SMARCA2: variants seen among roughly 807,000 people sequenced by gnomAD.
SMARCA2 encodes the protein SWI/SNF related BAF chromatin remodeling complex subunit ATPase 2.
SMARCA2 carries 61 observed loss-of-function variants against 199.8 expected under a neutral mutation model. That is an observed-to-expected ratio of 0.31 (90% CI 0.25 to 0.38). The LOEUF is 0.38. Ranked by LOEUF, SMARCA2 falls within the 10% of genes least tolerant of loss-of-function variation. The pLI is 1.00. For missense variants in SMARCA2, 1,344 were observed against 2,012.2 expected, an observed-to-expected ratio of 0.67 and a Z score of 6.35; for synonymous variants, 935 against 732.0, an observed-to-expected ratio of 1.28 and a Z score of -4.48.
At chr9:2,085,754 G>A (rs761029061) in intron 17 of SMARCA2, 14 of 152,100 alleles carry the variant, frequency 9.2e-5, no homozygotes, top group Non-Finnish European at 1.6e-4. Context: ...GGCAAGGACT[G>A]TATAGAATAC....
chr9:2,061,027 G>T (rs1217486436), intron 9 of SMARCA2, 41 bp downstream of exon 9: 63 of 1,589,574 alleles, frequency 4.0e-5, no homozygotes, highest in Non-Finnish European at 5.1e-5. Flanking sequence ...AGGGTGTATG[G>T]GCAGGGATAA....
intron 19 of SMARCA2, among the ~76,000 whole-genome samples, chr9:2,094,781 A>C (rs1390352193): frequency 6.6e-6 from 1 of 152,216 alleles, no homozygotes; most frequent in Non-Finnish European, 1.5e-5. Context: ...AAGGCTCAGA[A>C]AGCACTTTGC....
rs546952457 is a variant in SMARCA2, at chr9:2,096,923, C to T, written c.2991+159C>T. 3.3e-5 allele frequency among the ~76,000 whole-genome samples: 5 copies of T among 152,314 alleles called. No homozygotes were observed. In the South Asian group the frequency reaches 8.3e-4, roughly 25 times the overall value. On this transcript the variant is annotated intron_variant, in intron 20 of 33. Coordinates refer to ENST00000349721, the MANE Select transcript of SMARCA2 (RefSeq NM_003070.5). ...TTATAGCTGCCAAAGATAATCTCTT[C>T]ACCTCTTAGCTGCATTGGGGCAGGA...
At chr9:2,191,168 T>C in intron 32 of SMARCA2, 98 bp from the exon 33 acceptor site, 1 of 1,148,916 alleles carries the variant, frequency 8.7e-7, no homozygotes, top group South Asian at 1.4e-5. Context: ...CACTCTGGGA[T>C]GTTTGTGTTG....
At chr9:2,077,870 G>A (rs764433028) in intron 14 of SMARCA2, 94 bp downstream of exon 14, 25 of 1,212,212 alleles carry the variant, frequency 2.1e-5, no homozygotes, top group Non-Finnish European at 2.6e-5. Flanking sequence ...AAGGGCTTTT[G>A]ATGATATTTT....
rs1353077859 is a variant in SMARCA2 at position 2,123,983 on chromosome 9, T to C, written c.3981+46T>C. 3 of 1,491,718 alleles carry C rather than the reference T, an allele frequency of 2.0e-6. No individual in the cohort carries two copies. Among genetic ancestry groups the C allele is most frequent in the Non-Finnish European group, 2.7e-6 (3 of 1,094,366 alleles). 92.4% of individuals were successfully genotyped at this position (1,491,718 alleles called of 1,614,324 possible). A position where few individuals can be genotyped will look rare whatever the true frequency, so the allele number is the denominator to read the frequency against. ...CCGCTCTCACTAGGTGGAGGGTTTT[T>C]GGTGGCTTGGAGAAACCAGGGGCCT... On this transcript the variant is annotated intron_variant, in intron 27 of 33. Transcript: ENST00000349721. This position sits in a 1 kb window ranked among gnomAD's most constrained non-coding sequence, Gnocchi z 4.1.
At chr9:2,187,214 T>C (rs1178545547) in intron 32 of SMARCA2, among the ~76,000 whole-genome samples, 2 of 140,758 alleles carry the variant, frequency 1.4e-5, no homozygotes, top group Non-Finnish European at 3.3e-5. Flanking sequence ...GGCATTAATT[T>C]GGGTTTTTAA....
chr9:2,143,876 A>AG (rs1304884567), intron 27 of SMARCA2, among the ~76,000 whole-genome samples: 1 of 152,212 alleles, frequency 6.6e-6, no homozygotes, highest in African/African-American at 2.4e-5. Flanking sequence ...TTGAGGTTGT[A>AG]GGGGCCAAGG....
chr9:2,084,692 C>A (rs1821723872), intron 17 of SMARCA2, among the ~76,000 whole-genome samples: 1 of 152,034 alleles, frequency 6.6e-6, no homozygotes, highest in Non-Finnish European at 1.5e-5. Flanking sequence ...TTGTGGTAGT[C>A]TTGTTTCAGG....
At chr9:2,121,776 A>G (rs1430108042) in intron 26 of SMARCA2, among the ~76,000 whole-genome samples, 2 of 152,238 alleles carry the variant, frequency 1.3e-5, no homozygotes, top group Admixed American at 1.3e-4. Context: ...CAGAAAAAGT[A>G]TCTTTTATAC....
chr9:2,153,554 C>CA (rs1825189670), intron 27 of SMARCA2, among the ~76,000 whole-genome samples: 1 of 152,004 alleles, frequency 6.6e-6, no homozygotes, highest in South Asian at 2.1e-4. Context: ...CAAAGCAAAG[C>CA]AAAATACTCT....
intron 25 of SMARCA2, among the ~76,000 whole-genome samples, chr9:2,118,806 TTTAAA>T (rs1234985606): frequency 6.6e-6 from 1 of 152,220 alleles, no homozygotes; most frequent in Non-Finnish European, 1.5e-5. Flanking sequence ...CTCTGCTTCA[TTTAAA>T]TTATTTTAAT....
rs777699541 is a variant in SMARCA2, at chr9:2,169,812, C to T, written c.4200-607C>T. Among the ~76,000 whole-genome samples the T allele has an allele frequency of 2.0e-5, 3 of 152,102 alleles. No individual in the cohort carries two copies. Among genetic ancestry groups the T allele is most frequent in the Non-Finnish European group, 2.9e-5 (2 of 68,018 alleles). ...GCTTTTCTAGAGGCTTGTAGAAGTG[C>T]CCAAGACGCCAGGTGGTGGTTTATT... On this transcript the variant is annotated intron_variant, in intron 28 of 33. Transcript: ENST00000349721. The surrounding 1 kb of genome is among the most constrained non-coding windows in gnomAD (Gnocchi z 6.5).
chr9:2,123,587 C>G lies in SMARCA2; in HGVS notation c.3763-132C>G, dbSNP rs1281270512. 2 of 778,560 alleles carry G rather than the reference C, an allele frequency of 2.6e-6. No homozygotes were observed. The highest frequency in any genetic ancestry group is 5.3e-5 in the East Asian group (2 of 37,594). The allele number at this position is 778,560 out of a possible 1,614,324, so 48.2% of individuals were successfully genotyped here. On this transcript the variant is annotated intron_variant, in intron 26 of 33. Transcript: ENST00000349721. This position sits in a 1 kb window ranked among gnomAD's most constrained non-coding sequence, Gnocchi z 4.1. ...ATATTTAGGGATGAGCTAGAACAAG[C>G]CAACCAGGATGAGAGAGGTTGAAAG...
At chr9:2,191,610 T>C (rs1827890954) in intron 33 of SMARCA2, 8 of 464,408 alleles carry the variant, frequency 1.7e-5, no homozygotes, top group East Asian at 1.1e-4. Flanking sequence ...TTATTGCCTT[T>C]TTAATAGTCT....
At position 2,047,308 on chromosome 9, in the gene SMARCA2, GC is replaced by G; in HGVS notation, c.876del (p.Ala293GlnfsTer62). 1 of 1,006,816 alleles carries G rather than the reference GC, an allele frequency of 9.9e-7. No homozygotes were observed. The highest frequency in any genetic ancestry group is 1.2e-6 in the Non-Finnish European group (1 of 841,334). The allele number at this position is 1,006,816 out of a possible 1,614,324, so 62.4% of individuals were successfully genotyped here. A position where few individuals can be genotyped will look rare whatever the true frequency, so the allele number is the denominator to read the frequency against. On this transcript the variant is annotated frameshift_variant, in exon 5 of 34. Coordinates refer to ENST00000349721, the MANE Select transcript of SMARCA2 (RefSeq NM_003070.5). LOFTEE classifies it high-confidence loss of function. The stretch of plus-strand genomic sequence containing the variant: ...CGCCCGGCGGCCGGCCCTCGCCCGC[GC>G]CCCCCGCAGCCGCGCAGCCGCCCGC... Reference protein sequence around the residue: ...PAPGGRPSPAPPAAAQPPAAA... With the variant: ...PAPGGRPSPAXPAAAQPPAAA...
In SMARCA2 at chr9:2,165,564, T is replaced by A. The variant is rs73638400; in HGVS notation, c.4199+3661T>A. ...TTTTATTTGCACAAATAGAAAACTT[T>A]ATATCAAGTAGTACCAGAAGGCTTT... On this transcript the variant is annotated intron_variant, in intron 28 of 33. Transcript: ENST00000349721. 5.6e-3 allele frequency among the ~76,000 whole-genome samples: 854 copies of A among 152,322 alleles called. 10 individuals carry two copies. The highest frequency in any genetic ancestry group is 0.019 in the African/African-American group (806 of 41,556).
chr9:2,070,523 A>G, intron 10 of SMARCA2, 52 bp downstream of exon 10: 3 of 1,369,624 alleles, frequency 2.2e-6, no homozygotes, highest in African/African-American at 2.8e-5. Flanking sequence ...AGTCTGTGCC[A>G]TACCTGGCAG....
chr9:2,147,119 T>A (rs549186814), intron 27 of SMARCA2, among the ~76,000 whole-genome samples: 45 of 152,074 alleles, frequency 3.0e-4, no homozygotes, highest in Non-Finnish European at 4.0e-4. Flanking sequence ...AACTGAGTAG[T>A]GCAGTAGCTC....
Sources: gnomAD v4.1 joint callset for allele counts (sites outside exome capture counted in the v4.1 genomes callset) on GRCh38, gnomAD v4.1.1 for gene constraint, Gnocchi (gnomAD v3.1) non-coding constraint, MANE v1.5 for transcripts, NCBI Gene and HGNC (gene_info 2026-07-23, HGNC 2026-07-21) for gene names.